SPTLC3: variants seen among roughly 807,000 people sequenced by gnomAD.
SPTLC3 encodes the protein serine palmitoyltransferase 3.
In SPTLC3, 36 loss-of-function variants were observed where a neutral mutation model predicts 59.3. The ratio of observed to expected loss-of-function variants is 0.61; its 90% confidence interval spans 0.47 to 0.80. The LOEUF is 0.80. Ranked by LOEUF, SPTLC3 falls within the 30% of genes least tolerant of loss-of-function variation. The pLI, the probability that SPTLC3 is intolerant of heterozygous loss-of-function variation, is 0.00. For missense variants in SPTLC3, 625 were observed against 685.1 expected (o/e 0.91, Z 0.98); for synonymous variants, 257 against 240.8 (o/e 1.07, Z -0.62).
At chr20:13,118,722 T>C (rs1385531829) in intron 8 of SPTLC3, among the ~76,000 whole-genome samples, 1 of 152,128 alleles carries the variant, frequency 6.6e-6, no homozygotes, top group Non-Finnish European at 1.5e-5. Context: ...TCAACAAAAA[T>C]CCCCACTTTC....
chr20:13,041,660 A>G (rs1568574472), intron 1 of SPTLC3, among the ~76,000 whole-genome samples: 1 of 152,068 alleles, frequency 6.6e-6, no homozygotes, highest in Non-Finnish European at 1.5e-5. Flanking sequence ...GTTTCTTTAC[A>G]TGACTCATAT....
At chr20:13,106,754 C>T (rs568944220) in intron 6 of SPTLC3, among the ~76,000 whole-genome samples, 3 of 152,326 alleles carry the variant, frequency 2.0e-5, no homozygotes, top group African/African-American at 7.2e-5. Context: ...CAACCTGAGA[C>T]CAGGGGGCTA....
intron 5 of SPTLC3, 86 bp from the exon 6 acceptor site, chr20:13,093,398 T>C (rs1989297799): frequency 8.2e-7 from 1 of 1,224,320 alleles, no homozygotes; most frequent in Admixed American, 1.9e-5. Context: ...GTGTTATAGG[T>C]TTTAGAGTGT....
chr20:13,036,167 TGCTA>T (rs1986725559), intron 1 of SPTLC3, among the ~76,000 whole-genome samples: 1 of 152,160 alleles, frequency 6.6e-6, no homozygotes, highest in Non-Finnish European at 1.5e-5. Context: ...AAAAAATACA[TGCTA>T]AAAGTGCATA....
At chr20:13,147,232 C>T (rs146195390) in intron 9 of SPTLC3, among the ~76,000 whole-genome samples, 22 of 152,208 alleles carry the variant, frequency 1.4e-4, no homozygotes, top group African/African-American at 4.3e-4. Context: ...CCTGGAATCC[C>T]GACATCAAAA....
At chr20:13,153,585 T>C (rs974082657) in intron 9 of SPTLC3, among the ~76,000 whole-genome samples, 3 of 152,048 alleles carry the variant, frequency 2.0e-5, no homozygotes, top group African/African-American at 7.2e-5. Flanking sequence ...CAATTCAGCT[T>C]AGCTAAAAAG....
intron 1 of SPTLC3, among the ~76,000 whole-genome samples, chr20:13,022,541 G>A (rs1245746333): frequency 4.6e-5 from 7 of 152,116 alleles, no homozygotes; most frequent in African/African-American, 1.4e-4. Context: ...GAGAAGCTGG[G>A]CCAGGAGGGT....
chr20:13,029,628 G>A (rs1986329516), intron 1 of SPTLC3, among the ~76,000 whole-genome samples: 1 of 152,078 alleles, frequency 6.6e-6, no homozygotes, highest in Non-Finnish European at 1.5e-5. Context: ...CGAATTACTT[G>A]TTTGGAGACA....
chr20:13,043,807 T>A (rs1174233190), intron 1 of SPTLC3, among the ~76,000 whole-genome samples: 2 of 152,204 alleles, frequency 1.3e-5, no homozygotes, highest in African/African-American at 4.8e-5. Context: ...TATACTTCTT[T>A]AATAAGTCAT....
chr20:13,114,685 A>G (rs1425295802), intron 7 of SPTLC3, among the ~76,000 whole-genome samples: 5 of 152,212 alleles, frequency 3.3e-5, no homozygotes, highest in African/African-American at 1.2e-4. Context: ...AAAGAATAAG[A>G]AAACATTTGT....
intron 11 of SPTLC3, among the ~76,000 whole-genome samples, chr20:13,163,093 C>G (rs559843693): frequency 9.9e-5 from 15 of 152,188 alleles, no homozygotes; most frequent in African/African-American, 3.6e-4. Context: ...AGAGGTCGGG[C>G]GCAGTGGCTC....
chr20:13,010,981 T>C (rs949051950), intron 1 of SPTLC3, among the ~76,000 whole-genome samples: 1 of 152,176 alleles, frequency 6.6e-6, no homozygotes, highest in African/African-American at 2.4e-5. Context: ...CACTGAGGCT[T>C]CCCTAAGAAC....
At chr20:13,011,794 CACTG>C (rs1015708749) in intron 1 of SPTLC3, among the ~76,000 whole-genome samples, 3 of 151,516 alleles carry the variant, frequency 2.0e-5, no homozygotes, top group South Asian at 2.1e-4. Context: ...TGGTTTTCAT[CACTG>C]ACTAAGTCCA....
chr20:13,118,320 C>T (rs1990686232), intron 8 of SPTLC3, among the ~76,000 whole-genome samples: 1 of 151,672 alleles, frequency 6.6e-6, no homozygotes. Context: ...TTGCATACAC[C>T]ATAGGTCAAA....
chr20:13,147,052 G>T (rs1381335019), intron 9 of SPTLC3, among the ~76,000 whole-genome samples: 1 of 152,180 alleles, frequency 6.6e-6, no homozygotes, highest in Admixed American at 6.5e-5. Flanking sequence ...CTGAGCAGCT[G>T]GTGGGAGGTG....
chr20:13,159,907 G>C (rs2038858090), intron 10 of SPTLC3, 96 bp from the exon 11 acceptor site: 22 of 1,427,410 alleles, frequency 1.5e-5, no homozygotes, highest in Non-Finnish European at 2.0e-5. Context: ...AAAGAAAAAA[G>C]AAAAAATCAA....
At chr20:13,024,153 T>C (rs1044369733) in intron 1 of SPTLC3, among the ~76,000 whole-genome samples, 1 of 152,212 alleles carries the variant, frequency 6.6e-6, no homozygotes, top group East Asian at 1.9e-4. Context: ...ATCGTCATTT[T>C]TTAGATGACT....
intron 1 of SPTLC3, among the ~76,000 whole-genome samples, chr20:13,025,093 G>A (rs1986077487): frequency 6.6e-6 from 1 of 152,162 alleles, no homozygotes; most frequent in Non-Finnish European, 1.5e-5. Flanking sequence ...GCCACATGTA[G>A]AAAACTTCCT....
chr20:13,056,417 C>T (rs1475307265), intron 2 of SPTLC3, among the ~76,000 whole-genome samples: 1 of 151,308 alleles, frequency 6.6e-6, no homozygotes, highest in Non-Finnish European at 1.5e-5. Context: ...GGGACTTGAT[C>T]TCCCAACCCT....
Sources: gnomAD v4.1 joint callset for allele counts (sites outside exome capture counted in the v4.1 genomes callset) on GRCh38, gnomAD v4.1.1 for gene constraint, MANE v1.5 for transcripts, NCBI Gene and HGNC (gene_info 2026-07-23, HGNC 2026-07-21) for gene names.